Variants in CNTN5 observed in about 807,000 individuals in gnomAD.
CNTN5 encodes the protein contactin 5.
A neutral mutation model predicts 129.1 loss-of-function variants in CNTN5; 77 were observed. The observed-to-expected ratio is 0.60, with a 90% confidence interval of 0.50 to 0.72. The LOEUF (loss-of-function observed/expected upper bound fraction) is 0.72, where lower values mean the gene tolerates loss of function less well. Among genes scored for constraint, CNTN5 ranks in the 30% least tolerant of loss-of-function variants. The pLI, the probability that CNTN5 is intolerant of heterozygous loss-of-function variation, is 0.00. For missense variants in CNTN5, 1,478 were observed against 1,328.8 expected (o/e 1.11, Z -1.75); for synonymous variants, 509 against 465.6 (o/e 1.09, Z -1.20).
At chr11:99,877,998 T>G (rs1948677528) in intron 6 of CNTN5, among the ~76,000 whole-genome samples, 1 of 152,206 alleles carries the variant, frequency 6.6e-6, no homozygotes, top group South Asian at 2.1e-4. Flanking sequence ...TTCAATACAG[T>G]CTGCCTTAAT....
intron 3 of CNTN5, among the ~76,000 whole-genome samples, chr11:99,775,849 CAAGA>C (rs1457392177): frequency 6.6e-6 from 1 of 151,484 alleles, no homozygotes; most frequent in East Asian, 1.9e-4. Flanking sequence ...AAAAAATTAT[CAAGA>C]AAGAAGGAAA....
intron 4 of CNTN5, among the ~76,000 whole-genome samples, chr11:99,844,440 A>G (rs1947615260): frequency 6.6e-6 from 1 of 152,204 alleles, no homozygotes; most frequent in Non-Finnish European, 1.5e-5. Context: ...GTAGCACCTA[A>G]GTAGTGACAC....
chr11:100,126,996 T>C (rs998216085), intron 13 of CNTN5, among the ~76,000 whole-genome samples: 3 of 151,986 alleles, frequency 2.0e-5, no homozygotes, highest in Non-Finnish European at 2.9e-5. Flanking sequence ...CATAGGTTAT[T>C]GCAGCCTTGA....
intron 7 of CNTN5, among the ~76,000 whole-genome samples, chr11:99,941,957 C>T (rs1591455315): frequency 6.6e-6 from 1 of 151,978 alleles, no homozygotes; most frequent in Non-Finnish European, 1.5e-5. Context: ...CACCTGATTT[C>T]ACTAAACTTA....
At chr11:99,149,344 G>A (rs1012453005) in intron 1 of CNTN5, among the ~76,000 whole-genome samples, 1 of 151,836 alleles carries the variant, frequency 6.6e-6, no homozygotes, top group Non-Finnish European at 1.5e-5. Context: ...GAAGATGAGA[G>A]ACTTAAAAAA....
At chr11:99,772,726 G>C (rs957091457) in intron 3 of CNTN5, among the ~76,000 whole-genome samples, 2 of 152,004 alleles carry the variant, frequency 1.3e-5, no homozygotes, top group Non-Finnish European at 2.9e-5. Context: ...AGTTGAACAG[G>C]GAGTTGTATT....
At chr11:100,036,577 A>G in intron 9 of CNTN5, among the ~76,000 whole-genome samples, 1 of 145,862 alleles carries the variant, frequency 6.9e-6, no homozygotes, top group East Asian at 2.0e-4. Context: ...CATTTTCATG[A>G]TATTGATTCT....
At chr11:99,817,259 G>T (rs1001160303) in intron 3 of CNTN5, among the ~76,000 whole-genome samples, 1 of 152,180 alleles carries the variant, frequency 6.6e-6, no homozygotes. Flanking sequence ...CACATTTCTA[G>T]TAACAGCTTT....
At chr11:99,772,163 T>A (rs1387546200) in intron 3 of CNTN5, among the ~76,000 whole-genome samples, 1 of 139,818 alleles carries the variant, frequency 7.2e-6, no homozygotes, top group Non-Finnish European at 1.5e-5. Context: ...AATTACTTCA[T>A]TTTTTTTTTT....
intron 3 of CNTN5, among the ~76,000 whole-genome samples, chr11:99,637,274 A>G (rs558136308): frequency 5.6e-4 from 85 of 152,220 alleles, no homozygotes; most frequent in Admixed American, 8.5e-4. Flanking sequence ...ATATATAGCC[A>G]TATAGAATAC....
intron 16 of CNTN5, among the ~76,000 whole-genome samples, chr11:100,243,898 A>C (rs1021262681): frequency 2.6e-5 from 4 of 152,162 alleles, no homozygotes; most frequent in African/African-American, 9.6e-5. Context: ...ATAAAAATTA[A>C]TTTTATTAAA....
chr11:99,418,457 G>T (rs1394014882), intron 2 of CNTN5, among the ~76,000 whole-genome samples: 1 of 152,140 alleles, frequency 6.6e-6, no homozygotes, highest in Non-Finnish European at 1.5e-5. Flanking sequence ...AAGCGCTCAA[G>T]TTCAGATAAC....
At chr11:99,261,700 A>G (rs182026866) in intron 1 of CNTN5, among the ~76,000 whole-genome samples, 6 of 152,174 alleles carry the variant, frequency 3.9e-5, no homozygotes, top group Admixed American at 2.6e-4. Flanking sequence ...AACTAACATC[A>G]TCATAATTAC....
Position 99,154,102 on chromosome 11 carries a change from G to A in CNTN5, c.-210+132832G>A, listed in dbSNP as rs147924129. On this transcript the variant is annotated intron_variant, in intron 1 of 24. Transcript: ENST00000524871. Reference sequence around the variant, plus strand: ...AGCCAAAGCCTTCACCAGGGTGCTGGCAGGATGATCTGTGCTTGCTTGCAT... The same window carrying A: ...AGCCAAAGCCTTCACCAGGGTGCTGACAGGATGATCTGTGCTTGCTTGCAT... Among the ~76,000 whole-genome samples, 382 of 152,278 alleles carry A rather than the reference G, an allele frequency of 2.5e-3. 2 individuals carry two copies. Among genetic ancestry groups the A allele is most frequent in the Middle Eastern group, 0.01 (3 of 294 alleles).
chr11:99,556,724 A>C (rs1272982599), intron 3 of CNTN5, among the ~76,000 whole-genome samples: 1 of 150,258 alleles, frequency 6.7e-6, no homozygotes. Flanking sequence ...TCACCATATA[A>C]AACAGAATCA....
chr11:100,335,265 G>A (rs1952011499), intron 21 of CNTN5, among the ~76,000 whole-genome samples: 2 of 152,126 alleles, frequency 1.3e-5, no homozygotes, highest in African/African-American at 4.8e-5. Flanking sequence ...TGTAAAAGTA[G>A]GGGAAAGTTC....
intron 3 of CNTN5, among the ~76,000 whole-genome samples, chr11:99,574,451 T>A (rs1485924247): frequency 6.6e-6 from 1 of 152,240 alleles, no homozygotes; most frequent in Non-Finnish European, 1.5e-5. Flanking sequence ...CAAATGTTAT[T>A]TCTGGTTCCA....
intron 2 of CNTN5, among the ~76,000 whole-genome samples, chr11:99,522,797 T>C (rs1346934451): frequency 1.3e-5 from 2 of 152,206 alleles, no homozygotes; most frequent in African/African-American, 4.8e-5. Context: ...ATTGATATTC[T>C]TTAGAATACT....
intron 9 of CNTN5, among the ~76,000 whole-genome samples, chr11:100,007,557 C>G (rs987757806): frequency 6.6e-6 from 1 of 152,074 alleles, no homozygotes. Flanking sequence ...TATAAACCAG[C>G]CTCTGCTAGG....
Sources: gnomAD v4.1 joint callset for allele counts (sites outside exome capture counted in the v4.1 genomes callset) on GRCh38, gnomAD v4.1.1 for gene constraint, MANE v1.5 for transcripts, NCBI Gene and HGNC (gene_info 2026-07-23, HGNC 2026-07-21) for gene names.